The following JMJD1C variants were observed in gnomAD, a reference collection of about 807,000 sequenced individuals.
JMJD1C encodes jumonji domain containing 1C.
A neutral mutation model predicts 245.3 loss-of-function variants in JMJD1C; 31 were observed. The observed-to-expected ratio is 0.13, with a 90% CI of 0.09 to 0.17. The LOEUF is 0.17. Among genes scored for constraint, JMJD1C ranks in the 10% least tolerant of loss-of-function variants. JMJD1C has a pLI of 1.00. For missense variants in JMJD1C, 2,691 were observed against 3,000.2 expected, an observed-to-expected ratio of 0.90 and a Z score of 2.41; for synonymous variants, 1,057 against 1,017.4, an observed-to-expected ratio of 1.04 and a Z score of -0.74.
At chr10:63,233,230 C>A (rs1456322122) in intron 3 of JMJD1C, among the ~76,000 whole-genome samples, 1 of 152,124 alleles carries the variant, frequency 6.6e-6, no homozygotes, top group Admixed American at 6.6e-5. Context: ...GTCCAATTAA[C>A]CTGCATAGTC....
At chr10:63,352,953 G>A (rs533682264) in intron 2 of JMJD1C, among the ~76,000 whole-genome samples, 14 of 152,246 alleles carry the variant, frequency 9.2e-5, no homozygotes, top group African/African-American at 2.9e-4. Context: ...TTCCACTAAT[G>A]GAGGAATGGT....
intron 3 of JMJD1C, among the ~76,000 whole-genome samples, chr10:63,243,440 C>T (rs9414781): frequency 6.6e-6 from 1 of 151,972 alleles, no homozygotes; most frequent in Admixed American, 6.6e-5. Context: ...GCAGAAGAAT[C>T]GCTTGAACCT....
intron 2 of JMJD1C, among the ~76,000 whole-genome samples, chr10:63,267,069 CAAT>C (rs1376993999): frequency 6.6e-6 from 1 of 152,116 alleles, no homozygotes; most frequent in East Asian, 1.9e-4. Context: ...AACTAGCTGA[CAAT>C]GATCAAATTT....
At chr10:63,258,551 A>G (rs554463249) in intron 3 of JMJD1C, among the ~76,000 whole-genome samples, 2 of 152,274 alleles carry the variant, frequency 1.3e-5, no homozygotes, top group South Asian at 4.1e-4. Flanking sequence ...CTGTCCCCTA[A>G]AATACTTCAA....
intron 2 of JMJD1C, chr10:63,301,744 C>A (rs932384759): frequency 2.9e-5 from 13 of 452,154 alleles, no homozygotes; most frequent in African/African-American, 2.2e-4. Flanking sequence ...AGCAAACCAC[C>A]ATGGCACGTG....
intron 1 of JMJD1C, among the ~76,000 whole-genome samples, chr10:63,510,252 C>G (rs939170396): frequency 1.4e-4 from 21 of 152,010 alleles, no homozygotes; most frequent in Non-Finnish European, 2.2e-4. Context: ...ATCCACCCCC[C>G]TCGGCCTCCC....
At chr10:63,396,620 TG>T (rs1254180224) in intron 1 of JMJD1C, among the ~76,000 whole-genome samples, 1 of 152,148 alleles carries the variant, frequency 6.6e-6, no homozygotes, top group Non-Finnish European at 1.5e-5. Flanking sequence ...TAAATGAAAC[TG>T]TGGTAAATCT....
intron 2 of JMJD1C, among the ~76,000 whole-genome samples, chr10:63,301,181 A>G (rs1182657594): frequency 6.6e-6 from 1 of 152,044 alleles, no homozygotes; most frequent in East Asian, 1.9e-4. Context: ...ACGCCTGGCT[A>G]ATTTTTGTTT....
intron 2 of JMJD1C, among the ~76,000 whole-genome samples, chr10:63,343,244 T>C (rs748186435): frequency 6.6e-6 from 1 of 152,018 alleles, no homozygotes; most frequent in Non-Finnish European, 1.5e-5. Context: ...CACACACCTG[T>C]AGTCCCAGCT....
chr10:63,435,704 A>T lies in JMJD1C; in HGVS notation c.168+29791T>A, dbSNP rs566281917. On this transcript the variant is annotated intron_variant, in intron 1 of 25. Coordinates refer to ENST00000399262, the MANE Select transcript of JMJD1C (RefSeq NM_032776.3). Reference sequence around the variant, plus strand: ...TGGCTGAGGTCAGGAGTTCGACACGAATCTGGCCAACATGGTAAAACACCA... The same window carrying T: ...TGGCTGAGGTCAGGAGTTCGACACGTATCTGGCCAACATGGTAAAACACCA... Among the ~76,000 whole-genome samples the T allele has an allele frequency of 1.6e-4, 24 of 152,274 alleles. No individual in the cohort carries two copies. The South Asian group carries it at 4.6e-3, about 29-fold the overall frequency.
intron 1 of JMJD1C, among the ~76,000 whole-genome samples, chr10:63,417,826 G>A (rs989091768): frequency 2.6e-5 from 4 of 152,112 alleles, no homozygotes; most frequent in Admixed American, 6.5e-5. Flanking sequence ...ACACTGCAAG[G>A]CAACTGGAAT....
At chr10:63,347,408 C>A (rs1398648508) in intron 2 of JMJD1C, among the ~76,000 whole-genome samples, 2 of 149,282 alleles carry the variant, frequency 1.3e-5, no homozygotes, top group Non-Finnish European at 3.0e-5. Context: ...ATGGTGAAAC[C>A]CCGACTCTAA....
intron 18 of JMJD1C, among the ~76,000 whole-genome samples, chr10:63,186,979 C>T (rs987250143): frequency 6.6e-6 from 1 of 152,036 alleles, no homozygotes; most frequent in Non-Finnish European, 1.5e-5. Context: ...TGCTTGAGCC[C>T]GAGTTTGTAT....
At chr10:63,244,673 A>C (rs1276073563) in intron 3 of JMJD1C, among the ~76,000 whole-genome samples, 1 of 152,066 alleles carries the variant, frequency 6.6e-6, no homozygotes, top group Non-Finnish European at 1.5e-5. Flanking sequence ...ACAGAAAAGC[A>C]ATTCATAAAT....
At chr10:63,387,280 A>C (rs774982614) in intron 1 of JMJD1C, among the ~76,000 whole-genome samples, 1 of 152,224 alleles carries the variant, frequency 6.6e-6, no homozygotes, top group Non-Finnish European at 1.5e-5. Context: ...GAAAATGTGA[A>C]TCCATGATAA....
At chr10:63,344,598 G>T (rs1486329185) in intron 2 of JMJD1C, among the ~76,000 whole-genome samples, 1 of 152,090 alleles carries the variant, frequency 6.6e-6, no homozygotes, top group Non-Finnish European at 1.5e-5. Flanking sequence ...TAAACTTCAT[G>T]ATAATTAAGA....
At chr10:63,302,597 C>A (rs55690328) in intron 2 of JMJD1C, among the ~76,000 whole-genome samples, 3,760 of 152,244 alleles carry the variant, frequency 0.025, 156 homozygotes, top group African/African-American at 0.084. Context: ...CATCTTGGAA[C>A]TATGTTTTTA....
chr10:63,217,658 T>TA (rs1848149960), intron 4 of JMJD1C: 1 of 161,938 alleles, frequency 6.2e-6, no homozygotes, highest in Admixed American at 6.4e-5. Flanking sequence ...TGAAGCTACT[T>TA]AGTAAGATTG....
intron 1 of JMJD1C, among the ~76,000 whole-genome samples, chr10:63,506,747 A>G (rs1236093226): frequency 6.6e-6 from 1 of 152,204 alleles, no homozygotes; most frequent in Non-Finnish European, 1.5e-5. Context: ...ATTTGTTACC[A>G]TCAATGAACC....
Sources: gnomAD v4.1 joint callset for allele counts (sites outside exome capture counted in the v4.1 genomes callset) on GRCh38, gnomAD v4.1.1 for gene constraint, MANE v1.5 for transcripts, NCBI Gene and HGNC (gene_info 2026-07-23, HGNC 2026-07-21) for gene names.